The following ARHGEF1 variants were observed in gnomAD, a reference collection of about 807,000 sequenced individuals.
ARHGEF1 encodes the protein Rho guanine nucleotide exchange factor 1.
Under a neutral mutation model 119.7 loss-of-function variants are expected in ARHGEF1, and 40 were observed. The observed-to-expected ratio is 0.33, with a 90% CI of 0.26 to 0.44. ARHGEF1 has a LOEUF of 0.44. Ranked by LOEUF, ARHGEF1 falls within the 20% of genes least tolerant of loss-of-function variation. ARHGEF1 has a pLI of 1.00. For synonymous variants in ARHGEF1, 494 were observed against 521.0 expected (o/e 0.95, Z 0.71); for missense variants, 976 against 1,268.3 (o/e 0.77, Z 3.50).
Position 41,903,072 on chromosome 19 carries a change from C to T in ARHGEF1, c.1738+174C>T, listed in dbSNP as rs2074631200. On this transcript the variant is annotated intron_variant, in intron 18 of 28. Coordinates refer to ENST00000354532, the MANE Select transcript of ARHGEF1 (RefSeq NM_004706.4). The surrounding 1 kb of genome is among the most constrained non-coding windows in gnomAD (Gnocchi z 4.2). ...AGCTGGGACCCCAAGGGCACACCACCATGCCCAGCTAATTTTTTTAGTTTT... is the reference window on the plus strand; with the variant it reads ...AGCTGGGACCCCAAGGGCACACCACTATGCCCAGCTAATTTTTTTAGTTTT... 6.6e-6 allele frequency among the ~76,000 whole-genome samples: 1 copy of T among 151,986 alleles called. No individual in the cohort carries two copies. Among genetic ancestry groups the T allele is most frequent in the Non-Finnish European group, 1.5e-5 (1 of 67,994 alleles).
chr19:41,911,214 G>A (rs1325625104), downstream of ARHGEF1, among the ~76,000 whole-genome samples: 2 of 152,124 alleles, frequency 1.3e-5, no homozygotes, highest in Non-Finnish European at 2.9e-5. Flanking sequence ...ATACCCCCAG[G>A]AGCTGGGCAC....
chr19:41,898,602 C>A lies in ARHGEF1; in HGVS notation c.1267+15C>A. 6.3e-7 allele frequency: 1 copy of A among 1,580,664 alleles called. No individual in the cohort carries two copies. On this transcript the variant is annotated intron_variant, in intron 14 of 28. Transcript: ENST00000354532. ...GGTCATCAGCGGTGAGTACTGCCCC[C>A]ATCACCCCACTGTGGCCAAGGACAC...
intron 1 of ARHGEF1, among the ~76,000 whole-genome samples, chr19:41,884,760 G>A (rs2074268514): frequency 6.6e-6 from 1 of 152,096 alleles, no homozygotes; most frequent in African/African-American, 2.4e-5. Context: ...CCTAGAATCC[G>A]GGGCTCTATA....
intron 18 of ARHGEF1, among the ~76,000 whole-genome samples, chr19:41,915,758 C>T (rs951426818): frequency 2.0e-5 from 3 of 152,200 alleles, no homozygotes; most frequent in African/African-American, 7.2e-5. Context: ...CCTTTGATCT[C>T]ACCCTGCCCC....
In ARHGEF1 at chr19:41,906,432, T is replaced by C; in HGVS notation, c.2492-25T>C. The C allele has an allele frequency of 6.5e-7, 1 of 1,532,114 alleles. No homozygotes were observed. The highest frequency in any genetic ancestry group is 8.7e-7 in the Non-Finnish European group (1 of 1,144,728). 94.9% of individuals were successfully genotyped at this position (1,532,114 alleles called of 1,614,324 possible). ...CAGCCCAGCCCCCTGGTCTCCTGACTCCACCCCTCCTTGCCCCTGGCCAGT... is the reference window on the plus strand; with the variant it reads ...CAGCCCAGCCCCCTGGTCTCCTGACCCCACCCCTCCTTGCCCCTGGCCAGT... On this transcript the variant is annotated intron_variant, in intron 26 of 28. Coordinates refer to ENST00000354532, the MANE Select transcript of ARHGEF1 (RefSeq NM_004706.4). The surrounding 1 kb of genome is among the most constrained non-coding windows in gnomAD (Gnocchi z 4.5).
chr19:41,899,505 C>CTTT (rs575816890), intron 14 of ARHGEF1, among the ~76,000 whole-genome samples: 11 of 101,702 alleles, frequency 1.1e-4, no homozygotes, highest in Non-Finnish European at 2.1e-4. Context: ...AAAGAGAAAG[C>CTTT]TTTTTTTTTT....
At chr19:41,912,038 G>T (rs150262156), downstream of ARHGEF1, among the ~76,000 whole-genome samples, 1 of 151,880 alleles carries the variant, frequency 6.6e-6, no homozygotes, top group Non-Finnish European at 1.5e-5. Context: ...GAGACAGACC[G>T]CAAGAAACAG....
Position 41,902,033 on chromosome 19 carries a change from T to A in ARHGEF1, c.1414T>A (p.Ser472Thr). The A allele has an allele frequency of 1.2e-6, 2 of 1,613,838 alleles. No homozygotes were observed. Among genetic ancestry groups the A allele is most frequent in the Non-Finnish European group, 1.7e-6 (2 of 1,179,858 alleles). ...PSLDELIEVH[S>T]LFLDRLMKRR... ...CCTGGACGAGCTCATCGAGGTGCAT[T>A]GTGAGTGCAGAGCCAGGGTCCCTCT... The change falls in exon 15 of 29, where the codon TCC becomes ACC. Residue 472 changes from serine (S) to threonine (T), a missense_variant and splice_region_variant. Around this residue, in one of 3 missense-constraint regions of ARHGEF1, gnomAD observed 286 missense variants for 506.8 expected, o/e 0.56. Coordinates refer to ENST00000354532, the MANE Select transcript of ARHGEF1 (RefSeq NM_004706.4). This position sits in a 1 kb window ranked among gnomAD's most constrained non-coding sequence, Gnocchi z 6.5.
rs2074654782 is a variant in ARHGEF1, at chr19:41,904,297, G to A, written c.2075G>A (p.Arg692Gln). 3 of 1,611,494 alleles carry A rather than the reference G, an allele frequency of 1.9e-6. No homozygotes were observed. The highest frequency in any genetic ancestry group is 2.5e-6 in the Non-Finnish European group (3 of 1,179,580). Residue 692 changes from arginine (R) to glutamine (Q), a missense_variant, in exon 22 of 29, where the codon CGG (arginine) becomes CAG (glutamine). By Grantham distance (43) the Arg-to-Gln change is conservative. Coordinates refer to ENST00000354532, the MANE Select transcript of ARHGEF1 (RefSeq NM_004706.4). This position sits in a 1 kb window ranked among gnomAD's most constrained non-coding sequence, Gnocchi z 8.4. ...CGGCTGCTGCTCAAGTCCCATAGCC[G>A]GACACTGACGCCCACGCCCGATGGC... ...DERLLLKSHS[R>Q]TLTPTPDGKT...
rs556661337 is a variant in ARHGEF1, at chr19:41,905,509, G to A, written c.2336+248G>A. ...TGTGTGTATGCATATGTGTGCATGC[G>A]TGTGACAGCATGTGCATGCATGTGT... On this transcript the variant is annotated intron_variant, in intron 24 of 28. Coordinates refer to ENST00000354532, the MANE Select transcript of ARHGEF1 (RefSeq NM_004706.4). The surrounding 1 kb of genome is among the most constrained non-coding windows in gnomAD (Gnocchi z 6.4). 9.0e-5 allele frequency: 55 copies of A among 613,028 alleles called. No individual in the cohort carries two copies. The highest frequency in any genetic ancestry group is 3.7e-4 in the African/African-American group (20 of 54,058). The allele number at this position is 613,028 out of a possible 1,614,324, so 38.0% of individuals were successfully genotyped here.
At position 41,905,093 on chromosome 19, in the gene ARHGEF1, C is replaced by T. The variant is rs569823885; in HGVS notation, c.2249+57C>T. On this transcript the variant is annotated intron_variant, in intron 23 of 28. Transcript: ENST00000354532. This position sits in a 1 kb window ranked among gnomAD's most constrained non-coding sequence, Gnocchi z 6.4. ...GGAGGACGCCCAGGTTTCTGGGTTC[C>T]CAGGGACAGGAGGGCTGTGGGGAGG... is the stretch of plus-strand genomic sequence containing the variant. The T allele has an allele frequency of 6.2e-7, 1 of 1,612,132 alleles. No individual in the cohort carries two copies. The highest frequency in any genetic ancestry group is 1.3e-5 in the African/African-American group (1 of 74,998).
At chr19:41,900,547 G>A (rs1481353198) in intron 14 of ARHGEF1, among the ~76,000 whole-genome samples, 4 of 152,054 alleles carry the variant, frequency 2.6e-5, no homozygotes, top group African/African-American at 9.7e-5. Flanking sequence ...TATGCCCTCC[G>A]GGGATGTGGG....
At chr19:41,891,059 G>A (rs1274270519) in intron 4 of ARHGEF1, among the ~76,000 whole-genome samples, 1 of 152,140 alleles carries the variant, frequency 6.6e-6, no homozygotes, top group Non-Finnish European at 1.5e-5. Context: ...AATGCTTGAC[G>A]AATGACAGAG....
At chr19:41,925,325 G>A (rs1212409125) in intron 1 of ARHGEF1, among the ~76,000 whole-genome samples, 1 of 152,104 alleles carries the variant, frequency 6.6e-6, no homozygotes, top group Non-Finnish European at 1.5e-5. Context: ...TAGGTATGTG[G>A]GAAAGAAGAG....
At position 41,892,111 on chromosome 19, in the gene ARHGEF1, G is replaced by A. The variant is rs2074386076; in HGVS notation, c.312G>A (p.Leu104=). ...TCCTGGACTTCTACCACAGCTTCCTGGAGAAGACAGCGGTGAGAGACCTTC... is the reference window on the plus strand; with the variant it reads ...TCCTGGACTTCTACCACAGCTTCCTAGAGAAGACAGCGGTGAGAGACCTTC... ...KAFLDFYHSF[L]EKTAVLRVPV... Residue 104 remains leucine, a synonymous_variant, in exon 5 of 29, where the codon CTG becomes CTA. Coordinates refer to ENST00000354532, the MANE Select transcript of ARHGEF1 (RefSeq NM_004706.4). The surrounding 1 kb of genome is among the most constrained non-coding windows in gnomAD (Gnocchi z 6.3). 1 of 1,612,902 alleles carries A rather than the reference G, an allele frequency of 6.2e-7. No homozygotes were observed. The highest frequency in any genetic ancestry group is 1.7e-5 in the Admixed American group (1 of 59,894).
rs753977979 is a variant in ARHGEF1 at position 41,916,157 on chromosome 19, C to A, written c.1866-6935C>A. Among the ~76,000 whole-genome samples the A allele has an allele frequency of 2.0e-5, 3 of 152,056 alleles. No homozygotes were observed. The highest frequency in any genetic ancestry group is 2.9e-5 in the Non-Finnish European group (2 of 67,994). On this transcript the variant is annotated intron_variant, in intron 18 of 20. Transcript: ENST00000599589. This position sits in a 1 kb window ranked among gnomAD's most constrained non-coding sequence, Gnocchi z 5.4. The stretch of plus-strand genomic sequence containing the variant: ...CCCTGCCAAGCACAACCACACAGAC[C>A]CACACACCAACCCAGGCACGCACAC...
rs2074645658 is a variant in ARHGEF1, at chr19:41,903,848, C to T, written c.1917+64C>T. 1 of 1,536,092 alleles carries T rather than the reference C, an allele frequency of 6.5e-7. No individual in the cohort carries two copies. Among genetic ancestry groups the T allele is most frequent in the Non-Finnish European group, 9.0e-7 (1 of 1,112,518 alleles). ...CCTTGGCCCAGGGGATTCTGTGATA[C>T]AGCCCCCAGCCTGTCCTGCCCATCC... On this transcript the variant is annotated intron_variant, in intron 20 of 28. Transcript: ENST00000354532. This position sits in a 1 kb window ranked among gnomAD's most constrained non-coding sequence, Gnocchi z 4.2.
At chr19:41,929,166 AAC>A (rs2074890744) in intron 2 of ARHGEF1, among the ~76,000 whole-genome samples, 1 of 151,942 alleles carries the variant, frequency 6.6e-6, no homozygotes, top group South Asian at 2.1e-4. Context: ...CATATGCACA[AAC>A]ACAGCCTGCA....
chr19:41,897,045 AT>A, intron 13 of ARHGEF1: 1 of 399,142 alleles, frequency 2.5e-6, no homozygotes, highest in Non-Finnish European at 4.8e-6. Flanking sequence ...GCCACTTTTC[AT>A]TTTTTCAGCC....
Sources: allele counts gnomAD v4.1 joint callset (sites outside exome capture counted in the v4.1 genomes callset), GRCh38; gene constraint gnomAD v4.1.1; regional missense constraint gnomAD v4.1.1; non-coding constraint Gnocchi (gnomAD v3.1); transcripts MANE v1.5; gene names NCBI Gene and HGNC (gene_info 2026-07-23, HGNC 2026-07-21).